The following ABRAXAS1 variants were observed in gnomAD, a reference collection of about 807,000 sequenced individuals.
ABRAXAS1 encodes abraxas 1, BRCA1 A complex subunit.
Under a neutral mutation model 38.4 loss-of-function variants are expected in ABRAXAS1, and 26 were observed. That is an observed-to-expected ratio of 0.68 (90% CI 0.50 to 0.94). The LOEUF is 0.94. ABRAXAS1 is among the 40% of genes least tolerant of loss of function. ABRAXAS1 has a pLI of 0.00. For missense variants in ABRAXAS1, 438 were observed against 481.9 expected (o/e 0.91, Z 0.85); for synonymous variants, 144 against 165.5 (o/e 0.87, Z 1.00).
At chr4:83,478,489 C>T in intron 2 of ABRAXAS1, 1 of 409,178 alleles carries the variant, frequency 2.4e-6, no homozygotes, top group Non-Finnish European at 4.9e-6. Flanking sequence ...TTCCCGTGTT[C>T]TAATGTATTT....
intron 7 of ABRAXAS1, among the ~76,000 whole-genome samples, chr4:83,465,120 A>G (rs1578124457): frequency 1.3e-5 from 2 of 152,020 alleles, no homozygotes; most frequent in Admixed American, 1.3e-4. Flanking sequence ...ACATGGCGAA[A>G]CCCTGTCTCT....
chr4:83,461,278 G>A lies in ABRAXAS1; in HGVS notation c.*1191C>T. 1 of 1,214,608 alleles carries A rather than the reference G, an allele frequency of 8.2e-7. No individual in the cohort carries two copies. The highest frequency in any genetic ancestry group is 1.2e-6 in the Non-Finnish European group (1 of 823,198). 75.2% of individuals were successfully genotyped at this position (1,214,608 alleles called of 1,614,324 possible). A position where few individuals can be genotyped will look rare whatever the true frequency, so the allele number is the denominator to read the frequency against. ...CAATACTGACTCAAACCAACCTTTGGATAGAAAAGTGTTTGAGGAGTGAGG... is the reference window on the plus strand; with the variant it reads ...CAATACTGACTCAAACCAACCTTTGAATAGAAAAGTGTTTGAGGAGTGAGG... On this transcript the variant is annotated 3_prime_UTR_variant, in exon 9 of 9. Transcript: ENST00000321945.
In ABRAXAS1 at chr4:83,462,833, G is replaced by C; in HGVS notation, c.866C>G (p.Pro289Arg). The change falls in exon 9 of 9, where the codon CCA becomes CGA. Residue 289 changes from proline (P) to arginine (R), a missense_variant. Pro to Arg is a moderately radical substitution (Grantham distance 103). Around this residue, in one of 3 missense-constraint regions of ABRAXAS1, gnomAD observed 184 missense variants for 181.9 expected, o/e 1.01. Coordinates refer to ENST00000321945, the MANE Select transcript of ABRAXAS1 (RefSeq NM_139076.3). ...FLCQALRTFFPNSEFLHSCVM... is the reference protein window; with the variant it reads ...FLCQALRTFFRNSEFLHSCVM... ...ACATGAATGAAGAAATTCAGAATTTGGAAAAAAGGTCCGTAATGCCTGACA... is the reference window on the plus strand; with the variant it reads ...ACATGAATGAAGAAATTCAGAATTTCGAAAAAAGGTCCGTAATGCCTGACA... 1 of 1,609,010 alleles carries C rather than the reference G, an allele frequency of 6.2e-7. No homozygotes were observed. The highest frequency in any genetic ancestry group is 1.1e-5 in the South Asian group (1 of 89,620).
At chr4:83,484,788 G>A (rs1440070361) in intron 1 of ABRAXAS1, 198 bp downstream of exon 1, 3 of 458,738 alleles carry the variant, frequency 6.5e-6, no homozygotes, top group Non-Finnish European at 1.2e-5. Context: ...CAGAGGGAGG[G>A]CTAATGCTGG....
chr4:83,466,558 C>T (rs11723722), intron 7 of ABRAXAS1, among the ~76,000 whole-genome samples: 55,046 of 148,740 alleles, frequency 0.37, 11,374 homozygotes, highest in East Asian at 0.66. Flanking sequence ...TTTTTTGAGA[C>T]GGAGTCTCGT....
At position 83,460,886 on chromosome 4, in the gene ABRAXAS1, A is replaced by T; in HGVS notation, c.*1583T>A. The T allele has an allele frequency of 8.9e-7, 1 of 1,121,296 alleles. No homozygotes were observed. The highest frequency in any genetic ancestry group is 1.3e-6 in the Non-Finnish European group (1 of 764,420). The allele number at this position is 1,121,296 out of a possible 1,614,324, so 69.5% of individuals were successfully genotyped here. On this transcript the variant is annotated 3_prime_UTR_variant, in exon 9 of 9. Coordinates refer to ENST00000321945, the MANE Select transcript of ABRAXAS1 (RefSeq NM_139076.3). ...GCACCACTGTACTCCAGCCTGGGTG[A>T]CACAGGGAGACTCCATCTCAAAAAA...
chr4:83,476,426 T>A (rs1722770258), intron 3 of ABRAXAS1, among the ~76,000 whole-genome samples: 2 of 152,126 alleles, frequency 1.3e-5, no homozygotes. Context: ...GGAAAGGTAA[T>A]GAAGATCAGC....
At chr4:83,477,030 T>A (rs969404568) in intron 2 of ABRAXAS1, among the ~76,000 whole-genome samples, 3 of 152,232 alleles carry the variant, frequency 2.0e-5, no homozygotes, top group Non-Finnish European at 2.9e-5. Context: ...AAAAAGGCTG[T>A]GCTCTAAATG....
chr4:83,462,999 A>G, intron 8 of ABRAXAS1, 97 bp from the exon 9 acceptor site: 1 of 818,000 alleles, frequency 1.2e-6, no homozygotes, highest in East Asian at 2.7e-5. Flanking sequence ...AAAAGATTTT[A>G]ACAGTTGTAT....
At position 83,471,891 on chromosome 4, in the gene ABRAXAS1, A is replaced by C. The variant is rs191497998; in HGVS notation, c.282+331T>G. Among the ~76,000 whole-genome samples, 947 of 152,226 alleles carry C rather than the reference A, an allele frequency of 6.2e-3. 6 individuals are homozygous for C. The highest frequency in any genetic ancestry group is 0.01 in the Middle Eastern group (3 of 294). On this transcript the variant is annotated intron_variant, in intron 4 of 8. Coordinates refer to ENST00000321945, the MANE Select transcript of ABRAXAS1 (RefSeq NM_139076.3). ...TCTCAAAAAAAACAAAACAAAAAAA[A>C]CCAAAACACTACAGCCAAGTAAAAT...
chr4:83,460,075 A>C lies in ABRAXAS1; in HGVS notation c.*2394T>G, dbSNP rs537300996. 8.4e-6 allele frequency: 2 copies of C among 236,738 alleles called. No homozygotes were observed. Among genetic ancestry groups the C allele is most frequent in the Admixed American group, 5.6e-5 (1 of 18,008 alleles). The allele number at this position is 236,738 out of a possible 1,614,324, so 14.7% of individuals were successfully genotyped here. ...TATAATCATTCCTAGATTGATACTT[A>C]AACTTGGTGTCAGCAAACTATGGCC... On this transcript the variant is annotated 3_prime_UTR_variant, in exon 9 of 9. Coordinates refer to ENST00000321945, the MANE Select transcript of ABRAXAS1 (RefSeq NM_139076.3).
intron 2 of ABRAXAS1, among the ~76,000 whole-genome samples, chr4:83,480,521 C>T (rs184895321): frequency 6.6e-6 from 1 of 150,716 alleles, no homozygotes; most frequent in Non-Finnish European, 1.5e-5. Context: ...TTATTTCCTA[C>T]TTTATATATT....
Position 83,459,796 on chromosome 4 carries a change from A to G in ABRAXAS1, c.*2673T>C. ...GATGCATTTATGGAAGGCACATTACAGGTATGTTCTTTTTTATTATGGGAA... is the reference window on the plus strand; with the variant it reads ...GATGCATTTATGGAAGGCACATTACGGGTATGTTCTTTTTTATTATGGGAA... On this transcript the variant is annotated 3_prime_UTR_variant, in exon 9 of 9. Coordinates refer to ENST00000321945, the MANE Select transcript of ABRAXAS1 (RefSeq NM_139076.3). 6.3e-7 allele frequency: 1 copy of G among 1,595,406 alleles called. No homozygotes were observed. The highest frequency in any genetic ancestry group is 8.6e-7 in the Non-Finnish European group (1 of 1,166,668).
chr4:83,466,047 G>C lies in ABRAXAS1; in HGVS notation c.681+1407C>G, dbSNP rs1341323763. Among the ~76,000 whole-genome samples the C allele has an allele frequency of 7.2e-5, 11 of 152,228 alleles. No individual in the cohort carries two copies. The East Asian group carries it at 2.1e-3, about 29-fold the overall frequency. ...TTCCCCTGGGCTGTTCCTAGCCAAT[G>C]ACTAAGCACACTGCAGGTATTAGTG... On this transcript the variant is annotated intron_variant, in intron 7 of 8. Transcript: ENST00000321945.
At chr4:83,466,187 C>T (rs961004520) in intron 7 of ABRAXAS1, among the ~76,000 whole-genome samples, 1 of 152,190 alleles carries the variant, frequency 6.6e-6, no homozygotes, top group African/African-American at 2.4e-5. Flanking sequence ...AACCACTTGT[C>T]TTCTTATCCC....
intron 4 of ABRAXAS1, among the ~76,000 whole-genome samples, chr4:83,471,513 A>G (rs1284451571): frequency 6.6e-6 from 1 of 152,072 alleles, no homozygotes; most frequent in African/African-American, 2.4e-5. Context: ...CAGCCAAGAA[A>G]CATCTTTCAA....
chr4:83,472,401 T>C (rs1371169423), intron 3 of ABRAXAS1, 113 bp from the exon 4 acceptor site: 4 of 503,058 alleles, frequency 8.0e-6, no homozygotes, highest in South Asian at 3.4e-5. Context: ...ATATACCTAT[T>C]TGCCTGTCAG....
At chr4:83,473,741 C>CGG (rs1722666063) in intron 3 of ABRAXAS1, among the ~76,000 whole-genome samples, 1 of 151,772 alleles carries the variant, frequency 6.6e-6, no homozygotes, top group Admixed American at 6.6e-5. Flanking sequence ...TCTCCAACTC[C>CGG]CTGAGCTCAA....
intron 3 of ABRAXAS1, among the ~76,000 whole-genome samples, chr4:83,472,670 T>C (rs1261627973): frequency 6.6e-6 from 1 of 152,228 alleles, no homozygotes; most frequent in Non-Finnish European, 1.5e-5. Context: ...CAAAAGAATG[T>C]ATAACCAGTA....
Sources: gnomAD v4.1 joint callset for allele counts (sites outside exome capture counted in the v4.1 genomes callset) on GRCh38, gnomAD v4.1.1 for gene constraint, gnomAD v4.1.1 regional missense constraint, MANE v1.5 for transcripts, NCBI Gene and HGNC (gene_info 2026-07-23, HGNC 2026-07-21) for gene names.